The following DPYD variants were observed in gnomAD, a reference collection of about 807,000 sequenced individuals.
The protein encoded by DPYD is dihydropyrimidine dehydrogenase [NADP(+)].
Under a neutral mutation model 116.2 loss-of-function variants are expected in DPYD, and 109 were observed. That is an observed-to-expected ratio of 0.94 (90% confidence interval 0.80 to 1.10). DPYD has a LOEUF of 1.10. DPYD is among the 50% of genes least tolerant of loss of function. The probability of loss-of-function intolerance (pLI) is 0.00; values close to 1 mark genes in which losing one functional copy is unlikely to be tolerated. For missense variants in DPYD, 1,302 were observed against 1,254.5 expected, an observed-to-expected ratio of 1.04 and a Z score of -0.57; for synonymous variants, 440 against 432.0, an observed-to-expected ratio of 1.02 and a Z score of -0.23.
intron 1 of DPYD, among the ~76,000 whole-genome samples, chr1:97,912,233 T>A (rs995054490): frequency 6.6e-6 from 1 of 152,080 alleles, no homozygotes; most frequent in Non-Finnish European, 1.5e-5. Context: ...TATATATCAT[T>A]GAGCCAACAC....
intron 14 of DPYD, among the ~76,000 whole-genome samples, chr1:97,387,822 T>C (rs1323810699): frequency 6.6e-6 from 1 of 152,034 alleles, no homozygotes; most frequent in African/African-American, 2.4e-5. Flanking sequence ...ACAGGAATAG[T>C]ATGAAAGAAA....
intron 20 of DPYD, among the ~76,000 whole-genome samples, chr1:97,170,259 C>T (rs978978722): frequency 6.6e-6 from 1 of 152,122 alleles, no homozygotes; most frequent in Admixed American, 6.6e-5. Context: ...CTCTAAGGTC[C>T]TTGGCAGGTA....
intron 19 of DPYD, among the ~76,000 whole-genome samples, chr1:97,210,536 A>G (rs1266600475): frequency 6.6e-6 from 1 of 152,146 alleles, no homozygotes; most frequent in Non-Finnish European, 1.5e-5. Context: ...AAGTATGCAC[A>G]TATCTGCTTT....
chr1:97,767,749 G>T (rs181501979), intron 3 of DPYD, among the ~76,000 whole-genome samples: 2 of 143,010 alleles, frequency 1.4e-5, no homozygotes, highest in East Asian at 2.0e-4. Context: ...CTGAGTTTGG[G>T]GCTGGCTTTT....
chr1:97,752,969 T>A (rs1311400208), intron 3 of DPYD, among the ~76,000 whole-genome samples: 7 of 152,188 alleles, frequency 4.6e-5, no homozygotes. Flanking sequence ...GTACAGTTAA[T>A]GTTTGGTAAA....
At chr1:97,663,491 T>C (rs1659383065) in intron 8 of DPYD, among the ~76,000 whole-genome samples, 1 of 152,204 alleles carries the variant, frequency 6.6e-6, no homozygotes, top group Non-Finnish European at 1.5e-5. Context: ...TCTCAGCTCT[T>C]GCAGCCCTAC....
chr1:97,470,045 T>C (rs759213271), intron 13 of DPYD, among the ~76,000 whole-genome samples: 15 of 152,172 alleles, frequency 9.9e-5, no homozygotes, highest in Non-Finnish European at 2.2e-4. Context: ...TTGATGTTAT[T>C]GAGAGGAATT....
intron 4 of DPYD, among the ~76,000 whole-genome samples, chr1:97,723,994 G>A (rs923078786): frequency 6.6e-6 from 1 of 151,468 alleles, no homozygotes; most frequent in African/African-American, 2.4e-5. Context: ...TGCAAGGTTG[G>A]TTTATATCAA....
chr1:97,358,799 T>C (rs959741472), intron 16 of DPYD, among the ~76,000 whole-genome samples: 1 of 152,044 alleles, frequency 6.6e-6, no homozygotes, highest in Admixed American at 6.6e-5. Flanking sequence ...CAAAACCCTA[T>C]CTGTAGGTCA....
intron 18 of DPYD, among the ~76,000 whole-genome samples, chr1:97,237,915 T>C (rs1206777058): frequency 1.3e-5 from 2 of 152,180 alleles, no homozygotes. Flanking sequence ...ACCTCCACTG[T>C]TAGAAGACTA....
intron 1 of DPYD, among the ~76,000 whole-genome samples, chr1:97,909,378 C>T (rs144144204): frequency 6.6e-6 from 1 of 152,194 alleles, no homozygotes; most frequent in East Asian, 1.9e-4. Context: ...CTCTAGTTTC[C>T]CCACTGCAAC....
rs575532665 is a variant in DPYD, at chr1:97,168,329, G to C, written c.2622+24740C>G. The stretch of plus-strand genomic sequence containing the variant: ...TTCACTCTATTGAGGGATGTAGAAT[G>C]GTTTGGAATTTGGGCTTTCATTTCC... On this transcript the variant is annotated intron_variant, in intron 20 of 22. Transcript: ENST00000370192. Among the ~76,000 whole-genome samples, 209 of 152,260 alleles carry C rather than the reference G, an allele frequency of 1.4e-3. 1 individual carries two copies. The highest frequency in any genetic ancestry group is 4.7e-3 in the African/African-American group (197 of 41,564).
intron 1 of DPYD, among the ~76,000 whole-genome samples, chr1:97,885,884 G>T (rs1435612675): frequency 3.9e-5 from 6 of 152,132 alleles, no homozygotes; most frequent in Admixed American, 1.3e-4. Context: ...ATATCAATTT[G>T]CACCTGAGTA....
rs535440672 is a variant in DPYD at position 97,381,341 on chromosome 1, T to C, written c.1974+1052A>G. On this transcript the variant is annotated intron_variant, in intron 15 of 22. Coordinates refer to ENST00000370192, the MANE Select transcript of DPYD (RefSeq NM_000110.4). ...TAATGTCTAATATTGAAAAAAATAA[T>C]TTTGAAAAGTATTTTGTTCTTACAG... Among the ~76,000 whole-genome samples, 23 of 152,274 alleles carry C rather than the reference T, an allele frequency of 1.5e-4. 1 individual carries two copies. Among genetic ancestry groups the C allele is most frequent in the Non-Finnish European group, 2.6e-4 (18 of 68,018 alleles).
Position 97,515,753 on chromosome 1 carries a change from G to A in DPYD, c.1713C>T (p.Ala571=), listed in dbSNP as rs1488502233. 3.1e-6 allele frequency: 5 copies of A among 1,612,560 alleles called. No homozygotes were observed. In the South Asian group the frequency reaches 5.5e-5, roughly 18 times the overall value. Reference sequence around the variant, plus strand: ...TATCAAGAGAGAAAGTTTTGGTGAGGGCAAAACCCCATCCAGCTTCAAAAG... The same window carrying A: ...TATCAAGAGAGAAAGTTTTGGTGAGAGCAAAACCCCATCCAGCTTCAAAAG... ...RRAFEAGWGF[A]LTKTFSLDKD... is the part of the protein sequence containing the mutation. Residue 571 remains alanine, a synonymous_variant, in exon 13 of 23, where the codon GCC becomes GCT. Transcript: ENST00000370192.
At chr1:97,737,460 C>G (rs1664024589) in intron 4 of DPYD, among the ~76,000 whole-genome samples, 1 of 152,128 alleles carries the variant, frequency 6.6e-6, no homozygotes, top group Non-Finnish European at 1.5e-5. Flanking sequence ...AAACCCCAAT[C>G]AACTTACATA....
chr1:97,919,180 T>G (rs1428798710), intron 1 of DPYD, among the ~76,000 whole-genome samples: 1 of 152,118 alleles, frequency 6.6e-6, no homozygotes, highest in African/African-American at 2.4e-5. Context: ...GTGCTGTGAG[T>G]GATGAAAGAT....
In DPYD at chr1:97,342,000, C is replaced by T. The variant is rs116333006; in HGVS notation, c.2058+31561G>A. 2.2e-3 allele frequency among the ~76,000 whole-genome samples: 330 copies of T among 152,184 alleles called. 1 individual carries two copies. Among genetic ancestry groups the T allele is most frequent in the African/African-American group, 7.5e-3 (312 of 41,522 alleles). The stretch of plus-strand genomic sequence containing the variant: ...GTTTTGTTCCAGGTAGCTGATCTGA[C>T]GAAGTTTAGAATCTCATACTCTAGT... On this transcript the variant is annotated intron_variant, in intron 16 of 22. Coordinates refer to ENST00000370192, the MANE Select transcript of DPYD (RefSeq NM_000110.4).
chr1:97,655,462 C>T (rs1452800454), intron 8 of DPYD, among the ~76,000 whole-genome samples: 1 of 152,154 alleles, frequency 6.6e-6, no homozygotes, highest in Non-Finnish European at 1.5e-5. Context: ...AAGTTCCTTC[C>T]ACTGCTGCCT....
Sources: gnomAD v4.1 joint callset for allele counts (sites outside exome capture counted in the v4.1 genomes callset) on GRCh38, gnomAD v4.1.1 for gene constraint, MANE v1.5 for transcripts, NCBI Gene and HGNC (gene_info 2026-07-23, HGNC 2026-07-21) for gene names.